Variants in ELMO1 observed in about 807,000 individuals in gnomAD.
ELMO1 encodes engulfment and cell motility 1, also known as engulfment and cell motility protein 1.
In ELMO1, 26 loss-of-function variants were observed where a neutral mutation model predicts 98.9. That is an observed-to-expected ratio of 0.26 (90% confidence interval 0.19 to 0.36). The LOEUF (loss-of-function observed/expected upper bound fraction) is 0.36, where lower values mean the gene tolerates loss of function less well. Among genes scored for constraint, ELMO1 ranks in the 10% least tolerant of loss-of-function variants. The pLI is 1.00. For missense variants in ELMO1, 627 were observed against 935.2 expected, an observed-to-expected ratio of 0.67 and a Z score of 4.30; for synonymous variants, 346 against 346.0, an observed-to-expected ratio of 1.00 and a Z score of 0.00.
chr7:36,877,561 T>C (rs1466440348), intron 19 of ELMO1, among the ~76,000 whole-genome samples: 1 of 152,226 alleles, frequency 6.6e-6, no homozygotes, highest in East Asian at 1.9e-4. Context: ...CTAGCTATAT[T>C]TGGCTCTGCC....
chr7:36,979,577 G>T (rs1270251043), intron 16 of ELMO1, among the ~76,000 whole-genome samples: 1 of 152,150 alleles, frequency 6.6e-6, no homozygotes, highest in Non-Finnish European at 1.5e-5. Flanking sequence ...TAAAAGGTGT[G>T]GCTCTGCTAC....
chr7:37,058,205 TCTC>T (rs1796488569), intron 15 of ELMO1, among the ~76,000 whole-genome samples: 1 of 152,106 alleles, frequency 6.6e-6, no homozygotes, highest in African/African-American at 2.4e-5. Context: ...TAAGGTCCCT[TCTC>T]CTTCTCACTG....
chr7:37,405,790 G>C lies in ELMO1; in HGVS notation c.-74+42885C>G, dbSNP rs934101122. On this transcript the variant is annotated intron_variant, in intron 1 of 21. Transcript: ENST00000310758. ...TTTCCAGGGGAAACCAGAGTGTCTT[G>C]AACTTGCTAGCCTCAGAGGACAGTG... 7.2e-5 allele frequency among the ~76,000 whole-genome samples: 11 copies of C among 152,296 alleles called. No homozygotes were observed. In the East Asian group the frequency reaches 1.9e-3, roughly 27 times the overall value.
intron 1 of ELMO1, among the ~76,000 whole-genome samples, chr7:37,430,220 C>G (rs914902023): frequency 6.6e-6 from 1 of 152,164 alleles, no homozygotes; most frequent in African/African-American, 2.4e-5. Context: ...ACATTTTTGG[C>G]CAACAGGACA....
intron 6 of ELMO1, among the ~76,000 whole-genome samples, chr7:37,247,515 C>T (rs1045005602): frequency 1.3e-5 from 2 of 152,160 alleles, no homozygotes; most frequent in African/African-American, 4.8e-5. Flanking sequence ...TTGAGTGTGA[C>T]AAGAATTACC....
intron 15 of ELMO1, among the ~76,000 whole-genome samples, chr7:37,039,536 C>A (rs1795381582): frequency 6.6e-6 from 1 of 152,146 alleles, no homozygotes; most frequent in Non-Finnish European, 1.5e-5. Flanking sequence ...GCTGAGAGGG[C>A]AGTTTGGACT....
intron 7 of ELMO1, among the ~76,000 whole-genome samples, chr7:37,241,470 C>T (rs1019642786): frequency 6.6e-6 from 1 of 152,090 alleles, no homozygotes; most frequent in African/African-American, 2.4e-5. Flanking sequence ...ACAATCTAAA[C>T]CTTTTCATTG....
At chr7:37,336,896 A>T (rs1218294133) in intron 2 of ELMO1, among the ~76,000 whole-genome samples, 1 of 152,198 alleles carries the variant, frequency 6.6e-6, no homozygotes, top group Non-Finnish European at 1.5e-5. Flanking sequence ...TTACTAGGTC[A>T]AGGGGAGGAT....
At chr7:37,223,287 AAGG>A (rs1307331055) in intron 9 of ELMO1, among the ~76,000 whole-genome samples, 1 of 152,270 alleles carries the variant, frequency 6.6e-6, no homozygotes, top group Non-Finnish European at 1.5e-5. Context: ...AACAGTAAAT[AAGG>A]AGGACTCAAG....
At chr7:37,276,777 C>A (rs1338386393) in intron 4 of ELMO1, among the ~76,000 whole-genome samples, 2 of 152,168 alleles carry the variant, frequency 1.3e-5, no homozygotes, top group African/African-American at 4.8e-5. Flanking sequence ...CAAATGCATA[C>A]CTCTTCTGTA....
intron 15 of ELMO1, among the ~76,000 whole-genome samples, chr7:37,086,320 C>G (rs1050331398): frequency 7.0e-6 from 1 of 143,176 alleles, no homozygotes; most frequent in Non-Finnish European, 1.5e-5. Context: ...ATTTTTGTAA[C>G]AATACATGAC....
At chr7:37,052,049 T>C (rs1381969642) in intron 15 of ELMO1, among the ~76,000 whole-genome samples, 2 of 152,220 alleles carry the variant, frequency 1.3e-5, no homozygotes, top group African/African-American at 4.8e-5. Flanking sequence ...TCTCTTTTTC[T>C]TCCTTTTAAT....
At chr7:37,188,663 G>GC (rs1416394775) in intron 13 of ELMO1, among the ~76,000 whole-genome samples, 2 of 151,916 alleles carry the variant, frequency 1.3e-5, no homozygotes, top group Non-Finnish European at 2.9e-5. Context: ...TTATGAAACG[G>GC]CCTAGGCGTT....
intron 16 of ELMO1, among the ~76,000 whole-genome samples, chr7:36,966,064 G>A (rs1470925274): frequency 6.6e-6 from 1 of 152,180 alleles, no homozygotes; most frequent in Non-Finnish European, 1.5e-5. Context: ...AAGGAAAAGA[G>A]GAAAATGCTT....
chr7:37,157,841 G>T (rs6968475), intron 13 of ELMO1, among the ~76,000 whole-genome samples: 69,479 of 151,088 alleles, frequency 0.46, 16,852 homozygotes, highest in East Asian at 0.69. Context: ...GAGCCTGCAT[G>T]GCCAAGTCAA....
chr7:36,892,820 G>A (rs1227226842), intron 17 of ELMO1, among the ~76,000 whole-genome samples: 1 of 152,154 alleles, frequency 6.6e-6, no homozygotes, highest in Non-Finnish European at 1.5e-5. Flanking sequence ...TGACTTTGCT[G>A]CAGCTACAGA....
At chr7:37,168,976 G>C (rs1279747174) in intron 13 of ELMO1, among the ~76,000 whole-genome samples, 1 of 152,220 alleles carries the variant, frequency 6.6e-6, no homozygotes, top group Non-Finnish European at 1.5e-5. Flanking sequence ...GCCTCCTGGA[G>C]CTGTGGTGGG....
Position 37,031,272 on chromosome 7 carries a change from A to G in ELMO1, c.1301-17837T>C, listed in dbSNP as rs1794865765. Among the ~76,000 whole-genome samples the G allele has an allele frequency of 2.6e-5, 4 of 152,308 alleles. No homozygotes were observed. In the South Asian group the frequency reaches 8.3e-4, roughly 32 times the overall value. ...CCTTCAGATAAAGTAACGCCTCTTCACAACACGGACCCTGACTCGCCCTGA... is the reference window on the plus strand; with the variant it reads ...CCTTCAGATAAAGTAACGCCTCTTCGCAACACGGACCCTGACTCGCCCTGA... On this transcript the variant is annotated intron_variant, in intron 15 of 21. Transcript: ENST00000310758.
intron 13 of ELMO1, among the ~76,000 whole-genome samples, chr7:37,137,351 A>G (rs1357471550): frequency 6.6e-6 from 1 of 152,194 alleles, no homozygotes; most frequent in Non-Finnish European, 1.5e-5. Flanking sequence ...CACTGACAGC[A>G]CTAGAAAGGT....
Sources: gnomAD v4.1 joint callset for allele counts (sites outside exome capture counted in the v4.1 genomes callset) on GRCh38, gnomAD v4.1.1 for gene constraint, MANE v1.5 for transcripts, NCBI Gene and HGNC (gene_info 2026-07-23, HGNC 2026-07-21) for gene names.